Variants in AUTS2 observed in about 807,000 individuals in gnomAD.
The protein encoded by AUTS2 is autism susceptibility gene 2 protein.
Under a neutral mutation model 112.4 loss-of-function variants are expected in AUTS2, and 17 were observed. That is an observed-to-expected ratio of 0.15 (90% CI 0.10 to 0.23). AUTS2 has a LOEUF of 0.23. Ranked by LOEUF, AUTS2 falls within the 10% of genes least tolerant of loss-of-function variation. The pLI is 1.00. For synonymous variants in AUTS2, 751 were observed against 702.7 expected, an observed-to-expected ratio of 1.07 and a Z score of -1.09; for missense variants, 1,510 against 1,701.6, an observed-to-expected ratio of 0.89 and a Z score of 1.98.
intron 1 of AUTS2, among the ~76,000 whole-genome samples, chr7:69,815,435 G>T (rs185152569): frequency 6.6e-6 from 1 of 152,174 alleles, no homozygotes; most frequent in Non-Finnish European, 1.5e-5. Flanking sequence ...CCTTTGGAAT[G>T]ATAGATCTTT....
chr7:70,091,247 T>C (rs1803905840), intron 2 of AUTS2, among the ~76,000 whole-genome samples: 1 of 152,208 alleles, frequency 6.6e-6, no homozygotes, highest in Admixed American at 6.5e-5. Flanking sequence ...CTCTTAAGAA[T>C]TTCTTTTATC....
chr7:70,601,826 C>T (rs1451675026), intron 5 of AUTS2, among the ~76,000 whole-genome samples: 1 of 152,158 alleles, frequency 6.6e-6, no homozygotes, highest in African/African-American at 2.4e-5. Flanking sequence ...TGAAGCAGTT[C>T]ACCTTTTTCT....
chr7:70,556,609 ACTT>A (rs1585298578), intron 5 of AUTS2, among the ~76,000 whole-genome samples: 1 of 152,044 alleles, frequency 6.6e-6, no homozygotes, highest in East Asian at 1.9e-4. Flanking sequence ...CCCTTGAGAT[ACTT>A]CTTATAACCA....
Position 69,861,035 on chromosome 7 carries a change from A to G in AUTS2, c.310-38251A>G, listed in dbSNP as rs562072366. Reference sequence around the variant, plus strand: ...CAACACAACACTGAAAACAAAGCCCACCTCACAGGCAATGCAGCTTCCTTA... The same window carrying G: ...CAACACAACACTGAAAACAAAGCCCGCCTCACAGGCAATGCAGCTTCCTTA... On this transcript the variant is annotated intron_variant, in intron 1 of 18. Coordinates refer to ENST00000342771, the MANE Select transcript of AUTS2 (RefSeq NM_015570.4). Among the ~76,000 whole-genome samples, 24 of 152,150 alleles carry G rather than the reference A, an allele frequency of 1.6e-4. No homozygotes were observed. The South Asian group carries it at 4.8e-3, about 30-fold the overall frequency.
In AUTS2 at chr7:70,005,219, C is replaced by T. The variant is rs184146735; in HGVS notation, c.522+105721C>T. ...CCTGTGATATTTTTTTCTTATGGAA[C>T]GTTGATTGAACAGCTTCCATGGGTG... is the stretch of plus-strand genomic sequence containing the variant. On this transcript the variant is annotated intron_variant, in intron 2 of 18. Coordinates refer to ENST00000342771, the MANE Select transcript of AUTS2 (RefSeq NM_015570.4). 4.8e-4 allele frequency among the ~76,000 whole-genome samples: 73 copies of T among 152,072 alleles called. 3 individuals carry two copies. Among genetic ancestry groups the T allele is most frequent in the Admixed American group, 4.5e-3 (69 of 15,258 alleles).
chr7:70,747,990 T>G (rs1788573885), intron 6 of AUTS2, among the ~76,000 whole-genome samples: 1 of 140,400 alleles, frequency 7.1e-6, no homozygotes, highest in South Asian at 2.2e-4. Context: ...CCCAGCCAAT[T>G]TTTTTTTTTT....
chr7:69,901,705 C>T (rs1363753149), intron 2 of AUTS2, among the ~76,000 whole-genome samples: 1 of 152,150 alleles, frequency 6.6e-6, no homozygotes, highest in Non-Finnish European at 1.5e-5. Flanking sequence ...ATTTTCTTAC[C>T]TTCAGTGTTG....
At chr7:70,445,642 G>GTA (rs1796290548) in intron 5 of AUTS2, among the ~76,000 whole-genome samples, 1 of 152,162 alleles carries the variant, frequency 6.6e-6, no homozygotes, top group Admixed American at 6.5e-5. Flanking sequence ...TTACAGATGG[G>GTA]TAGCAAAGTC....
intron 4 of AUTS2, among the ~76,000 whole-genome samples, chr7:70,297,005 CTTTTTTT>C (rs556668116): frequency 1.7e-5 from 2 of 118,216 alleles, no homozygotes; most frequent in Admixed American, 1.7e-4. Flanking sequence ...TAATGCCTGA[CTTTTTTT>C]TTTTTTTTTT....
intron 1 of AUTS2, among the ~76,000 whole-genome samples, chr7:69,702,291 A>G (rs538026600): frequency 6.6e-6 from 1 of 152,198 alleles, no homozygotes; most frequent in African/African-American, 2.4e-5. Context: ...TTCCTGGGAA[A>G]CACAAATAAA....
intron 1 of AUTS2, among the ~76,000 whole-genome samples, chr7:69,892,431 A>G (rs748872029): frequency 6.6e-6 from 1 of 152,024 alleles, no homozygotes; most frequent in Non-Finnish European, 1.5e-5. Context: ...GGTGTGAGCC[A>G]TCACACCTGG....
At chr7:70,570,378 T>C (rs966674326) in intron 5 of AUTS2, among the ~76,000 whole-genome samples, 2 of 152,188 alleles carry the variant, frequency 1.3e-5, no homozygotes, top group Non-Finnish European at 2.9e-5. Flanking sequence ...ATTGGACTTG[T>C]GTAAAGAGAA....
chr7:70,155,394 A>G (rs1206633479), intron 4 of AUTS2, among the ~76,000 whole-genome samples: 1 of 152,008 alleles, frequency 6.6e-6, no homozygotes, highest in Non-Finnish European at 1.5e-5. Context: ...TGGGCTCTTG[A>G]ATGTGGTCTT....
chr7:69,694,174 C>G lies in AUTS2; in HGVS notation c.309+94212C>G, dbSNP rs189961506. Reference sequence around the variant, plus strand: ...AACTAATAGGTGTTGCTTGTTGATTCCCTGCTACCAAGTACTAGTTTTGAA... The same window carrying G: ...AACTAATAGGTGTTGCTTGTTGATTGCCTGCTACCAAGTACTAGTTTTGAA... On this transcript the variant is annotated intron_variant, in intron 1 of 18. Transcript: ENST00000342771. 1.4e-3 allele frequency among the ~76,000 whole-genome samples: 208 copies of G among 152,186 alleles called. 1 individual carries two copies. Among genetic ancestry groups the G allele is most frequent in the Admixed American group, 4.0e-3 (61 of 15,298 alleles).
chr7:70,517,670 G>A (rs1331411533), intron 5 of AUTS2, among the ~76,000 whole-genome samples: 1 of 150,660 alleles, frequency 6.6e-6, no homozygotes, highest in Non-Finnish European at 1.5e-5. Context: ...GAAACAATTT[G>A]TGTCCAGTTA....
chr7:70,100,704 T>C (rs972958841), intron 2 of AUTS2, among the ~76,000 whole-genome samples: 8 of 151,928 alleles, frequency 5.3e-5, no homozygotes, highest in African/African-American at 1.9e-4. Context: ...AAAAAGTAGA[T>C]AGATTTAAAA....
At chr7:70,106,377 C>T (rs1243228359) in intron 2 of AUTS2, among the ~76,000 whole-genome samples, 2 of 152,170 alleles carry the variant, frequency 1.3e-5, no homozygotes, top group Non-Finnish European at 2.9e-5. Context: ...CCCTTGCTAA[C>T]TGGACTATGC....
At chr7:70,681,655 G>A (rs1418191063) in intron 5 of AUTS2, among the ~76,000 whole-genome samples, 4 of 152,034 alleles carry the variant, frequency 2.6e-5, no homozygotes, top group Non-Finnish European at 4.4e-5. Flanking sequence ...AAACGTAGTT[G>A]CCTAGAGCTG....
intron 4 of AUTS2, among the ~76,000 whole-genome samples, chr7:70,367,814 T>C (rs1164873098): frequency 1.3e-5 from 2 of 152,136 alleles, no homozygotes; most frequent in Non-Finnish European, 2.9e-5. Context: ...GACCACTGGC[T>C]TTGCTAGCTA....
Sources: allele counts gnomAD v4.1 joint callset (sites outside exome capture counted in the v4.1 genomes callset), GRCh38; gene constraint gnomAD v4.1.1; transcripts MANE v1.5; gene names NCBI Gene and HGNC (gene_info 2026-07-23, HGNC 2026-07-21).